Variants in COQ10B observed in about 807,000 individuals in gnomAD.
The protein encoded by COQ10B is coenzyme Q-binding protein COQ10 homolog B, mitochondrial.
Under a neutral mutation model 27.6 loss-of-function variants are expected in COQ10B, and 12 were observed. The ratio of observed to expected loss-of-function variants is 0.43; its 90% CI spans 0.28 to 0.70. The LOEUF (loss-of-function observed/expected upper bound fraction) is 0.70, where lower values mean the gene tolerates loss of function less well. Ranked by LOEUF, COQ10B falls within the 30% of genes least tolerant of loss-of-function variation. The pLI, the probability that COQ10B is intolerant of heterozygous loss-of-function variation, is 0.17. For synonymous variants in COQ10B, 115 were observed against 103.0 expected, an observed-to-expected ratio of 1.12 and a Z score of -0.71; for missense variants, 278 against 288.7, an observed-to-expected ratio of 0.96 and a Z score of 0.27.
At position 197,453,640 on chromosome 2, in the gene COQ10B, C is replaced by T. The variant is rs1251693987; in HGVS notation, c.80C>T (p.Ala27Val). 1 of 1,613,848 alleles carries T rather than the reference C, an allele frequency of 6.2e-7. No individual in the cohort carries two copies. The highest frequency in any genetic ancestry group is 1.7e-5 in the Admixed American group (1 of 60,010). ...CRPKSATAAG[A>V]QAPVRNGRYL... ...CCGAAGTCGGCGACAGCGGCCGGGG[C>T]GCAGGCGCCCGTGCGGAATGGCAGG... is the stretch of plus-strand genomic sequence containing the variant. Residue 27 changes from alanine to valine, a missense_variant, in exon 1 of 5, where the codon GCG (alanine) becomes GTG (valine). Physicochemically the swap from Ala to Val is moderately conservative, Grantham distance 64. Coordinates refer to ENST00000263960, the MANE Select transcript of COQ10B (RefSeq NM_025147.5).
rs1426355744 is a variant in COQ10B at position 197,470,117 on chromosome 2, G to A, written c.495G>A (p.Trp165Ter). The A allele has an allele frequency of 6.2e-7, 1 of 1,613,486 alleles. No homozygotes were observed. Among genetic ancestry groups the A allele is most frequent in the African/African-American group, 1.3e-5 (1 of 74,990 alleles). ...TTTTCAATCATTTGGAGACTATTTGGCGTTTTAGCCCAGGTCTTCCTGGCT... is the reference window on the plus strand; with the variant it reads ...TTTTCAATCATTTGGAGACTATTTGACGTTTTAGCCCAGGTCTTCCTGGCT... The part of the protein sequence containing the change: ...GRLFNHLETI[W>*]RFSPGLPGYP... Residue 165 changes from tryptophan to a stop codon, truncating the protein, a stop_gained, in exon 4 of 5, where the codon TGG becomes TGA. Transcript: ENST00000263960. LOFTEE classifies it high-confidence loss of function.
At chr2:197,469,619 G>C (rs923407394) in intron 3 of COQ10B, among the ~76,000 whole-genome samples, 1 of 152,194 alleles carries the variant, frequency 6.6e-6, no homozygotes, top group African/African-American at 2.4e-5. Context: ...CAGTCTTTGA[G>C]TAGGAGATAA....
chr2:197,459,269 C>T (rs898675118), intron 1 of COQ10B, among the ~76,000 whole-genome samples: 9 of 152,140 alleles, frequency 5.9e-5, no homozygotes, highest in Admixed American at 3.9e-4. Flanking sequence ...TGTATTCAAG[C>T]GATCCTGCTG....
rs554449950 is a variant in COQ10B at position 197,454,117 on chromosome 2, A to G, written c.104+453A>G. 2.6e-6 allele frequency: 4 copies of G among 1,550,698 alleles called. No individual in the cohort carries two copies. The East Asian group carries it at 9.8e-5, about 38-fold the overall frequency. ...GATGCGTTTTCCCAATTTCTGAAAG[A>G]GTGCTTTGCCCTCGCCATTTAGTGT... On this transcript the variant is annotated intron_variant, in intron 1 of 4. Coordinates refer to ENST00000263960, the MANE Select transcript of COQ10B (RefSeq NM_025147.5).
intron 4 of COQ10B, among the ~76,000 whole-genome samples, chr2:197,470,376 A>C (rs756624224): frequency 2.0e-5 from 3 of 152,260 alleles, no homozygotes; most frequent in Non-Finnish European, 4.4e-5. Context: ...TGTAAGATAC[A>C]TGCCATGACT....
At chr2:197,460,987 G>A (rs1202091020) in intron 2 of COQ10B, among the ~76,000 whole-genome samples, 1 of 152,200 alleles carries the variant, frequency 6.6e-6, no homozygotes, top group Non-Finnish European at 1.5e-5. Flanking sequence ...TCCCTCCATA[G>A]GGGAATTTCT....
chr2:197,462,193 C>T (rs909813163), intron 2 of COQ10B, among the ~76,000 whole-genome samples: 4 of 150,524 alleles, frequency 2.7e-5, no homozygotes, highest in African/African-American at 2.4e-5. Context: ...CGCTTGAACC[C>T]GGGAGGTGGA....
intron 1 of COQ10B, among the ~76,000 whole-genome samples, chr2:197,458,829 T>G (rs2085726822): frequency 6.6e-6 from 1 of 151,924 alleles, no homozygotes; most frequent in African/African-American, 2.4e-5. Context: ...TACAGGCGCC[T>G]GCCACCACAC....
intron 1 of COQ10B, among the ~76,000 whole-genome samples, chr2:197,455,713 A>G (rs1421066698): frequency 6.6e-6 from 1 of 152,010 alleles, no homozygotes; most frequent in Non-Finnish European, 1.5e-5. Flanking sequence ...TAATCCCAAC[A>G]CTTTGGGAGG....
chr2:197,474,163 G>A lies in COQ10B; in HGVS notation c.*239G>A. 1 of 305,768 alleles carries A rather than the reference G, an allele frequency of 3.3e-6. No individual in the cohort carries two copies. 18.9% of individuals were successfully genotyped at this position (305,768 alleles called of 1,614,324 possible). A position where few individuals can be genotyped will look rare whatever the true frequency, so the allele number is the denominator to read the frequency against. On this transcript the variant is annotated 3_prime_UTR_variant, in exon 5 of 5. Transcript: ENST00000263960. Reference sequence around the variant, plus strand: ...ATGTTCTGCATTACAATAATGGGATGTCATCACCATTGCTAGAATACTGGC... The same window carrying A: ...ATGTTCTGCATTACAATAATGGGATATCATCACCATTGCTAGAATACTGGC...
chr2:197,462,862 C>T (rs2085776983), intron 3 of COQ10B, 131 bp downstream of exon 3: 1 of 537,326 alleles, frequency 1.9e-6, no homozygotes, highest in African/African-American at 2.0e-5. Flanking sequence ...TATTATATCT[C>T]CTAACTGTGT....
At chr2:197,456,481 C>T (rs1198052436) in intron 1 of COQ10B, among the ~76,000 whole-genome samples, 1 of 140,320 alleles carries the variant, frequency 7.1e-6, no homozygotes, top group African/African-American at 2.7e-5. Context: ...AAAAGTTGAT[C>T]TTGCTGGGCG....
Position 197,455,367 on chromosome 2 carries a change from TGTAATTCCAACA to T in COQ10B, c.104+1704_104+1715del, listed in dbSNP as rs1444103103. On this transcript the variant is annotated intron_variant, in intron 1 of 4. Transcript: ENST00000263960. ...GGTACTGGGCGCAGTGGCTTATGCC[TGTAATTCCAACA>T]CTTTGGGAGGCTGAGGCGGGAGGAT... is the stretch of plus-strand genomic sequence containing the variant. Among the ~76,000 whole-genome samples, 3 of 152,264 alleles carry T rather than the reference TGTAATTCCAACA, an allele frequency of 2.0e-5. No individual in the cohort carries two copies. In the East Asian group the frequency reaches 5.8e-4, roughly 29 times the overall value.
chr2:197,467,217 G>A (rs1640943309), intron 3 of COQ10B, among the ~76,000 whole-genome samples: 2 of 152,054 alleles, frequency 1.3e-5, no homozygotes, highest in South Asian at 4.1e-4. Flanking sequence ...AAAACACTGG[G>A]ATTACAGGAA....
At chr2:197,458,698 T>G (rs947355243) in intron 1 of COQ10B, among the ~76,000 whole-genome samples, 2 of 151,340 alleles carry the variant, frequency 1.3e-5, no homozygotes, top group Non-Finnish European at 2.9e-5. Flanking sequence ...TTTTTTTTTT[T>G]GAGACGGAGT....
intron 1 of COQ10B, among the ~76,000 whole-genome samples, chr2:197,459,513 G>T (rs1207982012): frequency 6.6e-6 from 1 of 152,164 alleles, no homozygotes; most frequent in East Asian, 1.9e-4. Flanking sequence ...TCTGCCAAGA[G>T]ATTTGAGACC....
intron 2 of COQ10B, among the ~76,000 whole-genome samples, 194 bp from the exon 3 acceptor site, chr2:197,462,345 T>C (rs767437501): frequency 6.6e-5 from 10 of 152,102 alleles, no homozygotes; most frequent in African/African-American, 1.7e-4. Context: ...TGCCATATCA[T>C]GTATGTGTTT....
intron 1 of COQ10B, among the ~76,000 whole-genome samples, chr2:197,458,170 G>A (rs1429530222): frequency 1.3e-5 from 2 of 150,226 alleles, no homozygotes; most frequent in Non-Finnish European, 1.5e-5. Context: ...AGGCTGGAGT[G>A]CAGTGGTGCG....
rs75405029 is a variant in COQ10B at position 197,454,302 on chromosome 2, A to G, written c.104+638A>G. ...AGATGGAGGTCGGGACACGGATACC[A>G]TACTTGTACGACTTAGTTTCCTTTT... is the stretch of plus-strand genomic sequence containing the variant. On this transcript the variant is annotated intron_variant, in intron 1 of 4. Transcript: ENST00000263960. 1,399 of 572,394 alleles carry G rather than the reference A, an allele frequency of 2.4e-3. 13 individuals carry two copies. The African/African-American group carries it at 0.025, about 10-fold the overall frequency. The allele number at this position is 572,394 out of a possible 1,614,324, so 35.5% of individuals were successfully genotyped here.
Sources: allele counts gnomAD v4.1 joint callset (sites outside exome capture counted in the v4.1 genomes callset), GRCh38; gene constraint gnomAD v4.1.1; transcripts MANE v1.5; gene names NCBI Gene and HGNC (gene_info 2026-07-23, HGNC 2026-07-21).